Variants in CPLX2 observed in about 807,000 individuals in gnomAD.
CPLX2 encodes the protein complexin-2.
CPLX2 carries 5 observed loss-of-function variants against 16.3 expected under a neutral mutation model. The ratio of observed to expected loss-of-function variants is 0.31; its 90% CI spans 0.16 to 0.64. CPLX2 has a LOEUF of 0.64. Among genes scored for constraint, CPLX2 ranks in the 30% least tolerant of loss-of-function variants. CPLX2 has a pLI of 0.79. For missense variants in CPLX2, 144 were observed against 181.4 expected (o/e 0.79, Z 1.18); for synonymous variants, 89 against 73.2 (o/e 1.22, Z -1.10).
chr5:175,841,239 T>A (rs1181512344), intron 2 of CPLX2, among the ~76,000 whole-genome samples: 1 of 152,014 alleles, frequency 6.6e-6, no homozygotes, highest in African/African-American at 2.4e-5. Flanking sequence ...CACCACCACA[T>A]ACATCCCCCC....
intron 2 of CPLX2, among the ~76,000 whole-genome samples, chr5:175,843,461 T>C (rs964810907): frequency 6.6e-6 from 1 of 152,236 alleles, no homozygotes; most frequent in African/African-American, 2.4e-5. Context: ...GCTTACTATG[T>C]CATGTTGCAC....
chr5:175,872,810 A>G lies in CPLX2; in HGVS notation c.-89+1105A>G, dbSNP rs1759664263. Reference sequence around the variant, plus strand: ...AATTGAGTTGCGGTGAATATAGCCCAGACTTGAATCATAAAAACAGAAAAA... The same window carrying G: ...AATTGAGTTGCGGTGAATATAGCCCGGACTTGAATCATAAAAACAGAAAAA... On this transcript the variant is annotated intron_variant, in intron 1 of 3. Transcript: ENST00000393745. The surrounding 1 kb of genome is among the most constrained non-coding windows in gnomAD (Gnocchi z 5.0). 6.6e-6 allele frequency: 1 copy of G among 152,294 alleles called. No individual in the cohort carries two copies. Among genetic ancestry groups the G allele is most frequent in the African/African-American group, 2.4e-5 (1 of 41,466 alleles). The allele number at this position is 152,294 out of a possible 1,614,324, so 9.4% of individuals were successfully genotyped here. A position where few individuals can be genotyped will look rare whatever the true frequency, so the allele number is the denominator to read the frequency against.
chr5:175,799,544 A>G lies in CPLX2; in HGVS notation c.-169+2760A>G, dbSNP rs1561766291. Among the ~76,000 whole-genome samples, 2 of 94,482 alleles carry G rather than the reference A, an allele frequency of 2.1e-5. 1 individual carries two copies. Among genetic ancestry groups the G allele is most frequent in the Non-Finnish European group, 4.4e-5 (2 of 44,996 alleles). 62.0% of individuals were successfully genotyped at this position (94,482 alleles called of 152,430 possible). On this transcript the variant is annotated intron_variant, in intron 1 of 4. Coordinates refer to the CPLX2 transcript ENST00000359546. ...TGAGATCCCTTTGCAAATTTCATAT[A>G]TATATATATATATATATATATATAT...
intron 1 of CPLX2, among the ~76,000 whole-genome samples, chr5:175,807,412 T>G (rs370692340): frequency 6.6e-6 from 1 of 152,192 alleles, no homozygotes; most frequent in South Asian, 2.1e-4. Context: ...CAGCCTCCTG[T>G]CCCTGCACAC....
chr5:175,823,950 C>T (rs1032049349), intron 2 of CPLX2, among the ~76,000 whole-genome samples: 1 of 152,158 alleles, frequency 6.6e-6, no homozygotes, highest in Admixed American at 6.5e-5. Flanking sequence ...TTGAAATGCG[C>T]TTTCAATAAT....
rs1758282342 is a variant in CPLX2, at chr5:175,809,955, C to T, written c.-89+887C>T. Among the ~76,000 whole-genome samples, 1 of 152,204 alleles carries T rather than the reference C, an allele frequency of 6.6e-6. No homozygotes were observed. Among genetic ancestry groups the T allele is most frequent in the Non-Finnish European group, 1.5e-5 (1 of 68,044 alleles). ...CTCGATCGCTATAGATATCGTTGCTCATCCAGATGGGAGCTATTTATGATG... is the reference window on the plus strand; with the variant it reads ...CTCGATCGCTATAGATATCGTTGCTTATCCAGATGGGAGCTATTTATGATG... On this transcript the variant is annotated intron_variant, in intron 2 of 4. Transcript: ENST00000359546. This position sits in a 1 kb window ranked among gnomAD's most constrained non-coding sequence, Gnocchi z 4.4.
At chr5:175,837,165 G>C (rs1400404521) in intron 2 of CPLX2, among the ~76,000 whole-genome samples, 1 of 152,216 alleles carries the variant, frequency 6.6e-6, no homozygotes, top group East Asian at 1.9e-4. Flanking sequence ...ACCTGGTCAA[G>C]GTCACAGGGC....
At chr5:175,864,286 T>C (rs138276878) in intron 2 of CPLX2, among the ~76,000 whole-genome samples, 2 of 152,306 alleles carry the variant, frequency 1.3e-5, no homozygotes, top group African/African-American at 4.8e-5. Context: ...CCAGTGCCCA[T>C]GGCTGCCACC....
intron 2 of CPLX2, among the ~76,000 whole-genome samples, chr5:175,855,865 T>C (rs1168102779): frequency 6.6e-6 from 1 of 151,410 alleles, no homozygotes; most frequent in Non-Finnish European, 1.5e-5. Flanking sequence ...GAAAGAGTGG[T>C]TCCCCAAGGT....
rs1044834105 is a variant in CPLX2, at chr5:175,880,189, C to G, written c.*144C>G. The G allele has an allele frequency of 6.0e-6, 5 of 835,900 alleles. No homozygotes were observed. The highest frequency in any genetic ancestry group is 2.0e-5 in the Admixed American group (1 of 49,962). 51.8% of individuals were successfully genotyped at this position (835,900 alleles called of 1,614,324 possible). A position where few individuals can be genotyped will look rare whatever the true frequency, so the allele number is the denominator to read the frequency against. On this transcript the variant is annotated 3_prime_UTR_variant, in exon 4 of 4. Transcript: ENST00000393745. ...CTTCCCTGGCCAGGGGCTTCTCCCCCTCAGCTCTCCCTCACACCTCCCTTC... is the reference window on the plus strand; with the variant it reads ...CTTCCCTGGCCAGGGGCTTCTCCCCGTCAGCTCTCCCTCACACCTCCCTTC...
chr5:175,878,687 C>T lies in CPLX2; in HGVS notation c.-53C>T, dbSNP rs1328412324. 3.1e-6 allele frequency: 5 copies of T among 1,600,054 alleles called. No individual in the cohort carries two copies. The East Asian group carries it at 9.0e-5, about 29-fold the overall frequency. On this transcript the variant is annotated 5_prime_UTR_variant, in exon 2 of 4. Transcript: ENST00000393745. ...CTTCCCAAGCCAGGCCAGCCAGGAGCGCTGCATGCAAATTCTGCCGTGGGC... is the reference window on the plus strand; with the variant it reads ...CTTCCCAAGCCAGGCCAGCCAGGAGTGCTGCATGCAAATTCTGCCGTGGGC...
rs180897013 is a variant in CPLX2, at chr5:175,838,727, C to T, written c.-89+29659C>T. Reference sequence around the variant, plus strand: ...TTCTACATCAGGTCTCATAGGCCACCGCAGGGAATGAGGGGACCCAGGCAG... The same window carrying T: ...TTCTACATCAGGTCTCATAGGCCACTGCAGGGAATGAGGGGACCCAGGCAG... On this transcript the variant is annotated intron_variant, in intron 2 of 4. Coordinates refer to the CPLX2 transcript ENST00000359546. 9.5e-4 allele frequency among the ~76,000 whole-genome samples: 145 copies of T among 152,174 alleles called. 1 individual carries two copies. Among genetic ancestry groups the T allele is most frequent in the African/African-American group, 3.3e-3 (139 of 41,496 alleles).
chr5:175,857,543 G>A (rs189766273), intron 2 of CPLX2, among the ~76,000 whole-genome samples: 7 of 152,298 alleles, frequency 4.6e-5, no homozygotes, highest in East Asian at 3.9e-4. Context: ...AGACACTTAC[G>A]TTAGCCCAGT....
At chr5:175,825,937 C>CAAAA (rs35250246) in intron 2 of CPLX2, among the ~76,000 whole-genome samples, 10,279 of 44,298 alleles carry the variant, frequency 0.23, 1,969 homozygotes, top group Middle Eastern at 0.38. Context: ...TGAATAAGTG[C>CAAAA]AAAAAAAAAA....
At chr5:175,842,714 C>T (rs1170267109) in intron 2 of CPLX2, among the ~76,000 whole-genome samples, 1 of 152,214 alleles carries the variant, frequency 6.6e-6, no homozygotes, top group Non-Finnish European at 1.5e-5. Context: ...AGGACAGCTG[C>T]TCGGTGGCCC....
chr5:175,816,120 G>A (rs1048396467), intron 2 of CPLX2, among the ~76,000 whole-genome samples: 2 of 152,294 alleles, frequency 1.3e-5, no homozygotes, highest in African/African-American at 2.4e-5. Flanking sequence ...GATCTAGGCC[G>A]GCTCCGCCAC....
In CPLX2 at chr5:175,880,016, G is replaced by A. The variant is rs777361096; in HGVS notation, c.376G>A (p.Gly126Arg). The A allele has an allele frequency of 4.7e-5, 76 of 1,613,486 alleles. No homozygotes were observed. The highest frequency in any genetic ancestry group is 7.7e-5 in the South Asian group (7 of 90,884). ...GGACACGGTGCTCAAATACCTGCCC[G>A]GGCCGCTGCAGGACATGTTCAAGAA... ...ILDTVLKYLP[G>R]PLQDMFKK The change falls in exon 4 of 4, where the codon GGG (glycine) becomes AGG (arginine). Residue 126 changes from glycine to arginine, a missense_variant. Physicochemically the swap from Gly to Arg is moderately radical, Grantham distance 125 (BLOSUM62 -2). Transcript: ENST00000393745.
Position 175,849,470 on chromosome 5 carries a change from C to T in CPLX2, c.-88-29182C>T, listed in dbSNP as rs1022541618. Among the ~76,000 whole-genome samples, 6 of 152,234 alleles carry T rather than the reference C, an allele frequency of 3.9e-5. No homozygotes were observed. Among genetic ancestry groups the T allele is most frequent in the Admixed American group, 3.9e-4 (6 of 15,290 alleles). On this transcript the variant is annotated intron_variant, in intron 2 of 4. Coordinates refer to the CPLX2 transcript ENST00000359546. The surrounding 1 kb of genome is among the most constrained non-coding windows in gnomAD (Gnocchi z 4.4). ...CTCATGCATGCAGCCGAACCCCACA[C>T]TGGATGTTAGAGGCACAAAGACTTG...
At chr5:175,816,290 C>A (rs1029436980) in intron 2 of CPLX2, among the ~76,000 whole-genome samples, 3 of 152,186 alleles carry the variant, frequency 2.0e-5, no homozygotes, top group African/African-American at 7.2e-5. Flanking sequence ...GCCTCAGCCT[C>A]CCAAGTAGTT....
Sources: gnomAD v4.1 joint callset for allele counts (sites outside exome capture counted in the v4.1 genomes callset) on GRCh38, gnomAD v4.1.1 for gene constraint, Gnocchi (gnomAD v3.1) non-coding constraint, MANE v1.5 for transcripts, NCBI Gene and HGNC (gene_info 2026-07-23, HGNC 2026-07-21) for gene names.